Variants in GRIA3 observed in about 807,000 individuals in gnomAD.
The protein encoded by GRIA3 is glutamate ionotropic receptor AMPA type subunit 3.
Under a neutral mutation model 63.0 loss-of-function variants are expected in GRIA3, and 3 were observed. That is an observed-to-expected ratio of 0.05 (90% CI 0.02 to 0.12). The LOEUF is 0.12. Among genes scored for constraint, GRIA3 ranks in the 10% least tolerant of loss-of-function variants. The pLI is 1.00. For synonymous variants in GRIA3, 274 were observed against 257.9 expected (o/e 1.06, Z -0.60); for missense variants, 347 against 700.9 (o/e 0.50, Z 5.70).
chrX:123,371,114 A>G (rs5911604), intron 5 of GRIA3, among the ~76,000 whole-genome samples: 38,668 of 104,505 alleles, frequency 0.37, 6,258 homozygotes, highest in Middle Eastern at 0.6. Context: ...AGAGCCCACA[A>G]ATAAGTTAAA....
intron 12 of GRIA3, among the ~76,000 whole-genome samples, chrX:123,435,128 A>G (rs1770195294): frequency 8.9e-6 from 1 of 112,172 alleles, no homozygotes; most frequent in Non-Finnish European, 1.9e-5. Context: ...TAACTAGATG[A>G]CTTTCCCTCC....
intron 12 of GRIA3, among the ~76,000 whole-genome samples, chrX:123,459,628 C>T (rs139945341): frequency 9.0e-6 from 1 of 110,957 alleles, no homozygotes; most frequent in East Asian, 2.8e-4. Context: ...TCTTTATAAC[C>T]ATTGTTTGTT....
intron 11 of GRIA3, among the ~76,000 whole-genome samples, chrX:123,426,931 T>G (rs773912074): frequency 1.8e-5 from 2 of 111,527 alleles, no homozygotes; most frequent in South Asian, 7.5e-4. Context: ...TTTCTGTGTG[T>G]GGGGGTGGAA....
chrX:123,285,566 CAAATGAAAAGCAA>C (rs1391041829), intron 3 of GRIA3, among the ~76,000 whole-genome samples: 2 of 15,810 alleles, frequency 1.3e-4, no homozygotes, highest in Non-Finnish European at 2.1e-4. Flanking sequence ...ACTTTCCAAG[CAAATGAAAAGCAA>C]AAAAAAAAAA....
chrX:123,304,414 G>A (rs1379244969), intron 3 of GRIA3, among the ~76,000 whole-genome samples: 2 of 111,469 alleles, frequency 1.8e-5, no homozygotes, highest in African/African-American at 6.5e-5. Flanking sequence ...CACTTCTGAT[G>A]TCCTGCGATT....
At chrX:123,276,442 C>T (rs921277268) in intron 3 of GRIA3, among the ~76,000 whole-genome samples, 2 of 111,868 alleles carry the variant, frequency 1.8e-5, no homozygotes, top group African/African-American at 3.3e-5. Flanking sequence ...CTCCCCCTTT[C>T]CTCCCTCACT....
chrX:123,208,531 G>A (rs1927954733), intron 2 of GRIA3, among the ~76,000 whole-genome samples: 2 of 112,294 alleles, frequency 1.8e-5, no homozygotes, highest in African/African-American at 6.5e-5. Context: ...GTTTTGGGGT[G>A]TTTCCAAGGA....
intron 7 of GRIA3, among the ~76,000 whole-genome samples, chrX:123,401,870 C>T (rs2045445197): frequency 8.9e-6 from 1 of 111,913 alleles, no homozygotes; most frequent in African/African-American, 3.2e-5. Context: ...AAGTCTTTGA[C>T]CTTTACTTGC....
At chrX:123,261,541 A>G (rs2044460206) in intron 3 of GRIA3, among the ~76,000 whole-genome samples, 1 of 112,015 alleles carries the variant, frequency 8.9e-6, no homozygotes, top group African/African-American at 3.2e-5. Context: ...CTCTCTAGAG[A>G]CAAATTAAGC....
intron 7 of GRIA3, among the ~76,000 whole-genome samples, chrX:123,402,131 C>A (rs1225742770): frequency 1.8e-5 from 2 of 110,626 alleles, no homozygotes; most frequent in Non-Finnish European, 3.8e-5. Context: ...TACTCCTGAC[C>A]CCTTAGGCTT....
chrX:123,223,975 T>A (rs2044231928), intron 2 of GRIA3, among the ~76,000 whole-genome samples: 1 of 111,660 alleles, frequency 9.0e-6, no homozygotes, highest in Non-Finnish European at 1.9e-5. Flanking sequence ...CTTGCCCATT[T>A]GTTCTTCAGA....
chrX:123,220,788 T>C (rs979870400), intron 2 of GRIA3, among the ~76,000 whole-genome samples: 2 of 111,939 alleles, frequency 1.8e-5, no homozygotes, highest in Non-Finnish European at 3.8e-5. Flanking sequence ...TGGGCTGGCA[T>C]AGGAAGAAAA....
intron 3 of GRIA3, among the ~76,000 whole-genome samples, chrX:123,286,446 C>G (rs1471695429): frequency 1.8e-5 from 2 of 111,536 alleles, no homozygotes; most frequent in Admixed American, 9.5e-5. Flanking sequence ...GATAGAGACA[C>G]GAAAAACCCT....
intron 10 of GRIA3, among the ~76,000 whole-genome samples, chrX:123,408,243 G>C (rs972486057): frequency 1.8e-5 from 2 of 111,765 alleles, no homozygotes; most frequent in Non-Finnish European, 3.8e-5. Flanking sequence ...CGGGATTACA[G>C]GTGTGAGTCA....
intron 2 of GRIA3, among the ~76,000 whole-genome samples, chrX:123,212,716 G>A (rs1466641460): frequency 8.9e-6 from 1 of 112,373 alleles, no homozygotes; most frequent in Non-Finnish European, 1.9e-5. Context: ...TAGTATTGGA[G>A]TTTTTGCAGT....
At chrX:123,324,500 T>C (rs1393694115) in intron 3 of GRIA3, among the ~76,000 whole-genome samples, 2 of 111,671 alleles carry the variant, frequency 1.8e-5, no homozygotes, top group Non-Finnish European at 3.8e-5. Flanking sequence ...TATTTCTCAA[T>C]CCCATGCCTT....
chrX:123,319,479 A>G lies in GRIA3; in HGVS notation c.509-6547A>G, dbSNP rs2044853702. 2.7e-5 allele frequency among the ~76,000 whole-genome samples: 3 copies of G among 112,050 alleles called. No individual in the cohort carries two copies. The Admixed American group carries it at 2.8e-4, about 11-fold the overall frequency. On this transcript the variant is annotated intron_variant, in intron 3 of 15. Transcript: ENST00000620443. Reference sequence around the variant, plus strand: ...TGTAAAGAGGGATAAAGTCACCTATACTTTTTCTTTTAATTTTTGTACTTT... The same window carrying G: ...TGTAAAGAGGGATAAAGTCACCTATGCTTTTTCTTTTAATTTTTGTACTTT...
chrX:123,214,344 T>C (rs963114103), intron 2 of GRIA3, among the ~76,000 whole-genome samples: 1 of 111,825 alleles, frequency 8.9e-6, no homozygotes, highest in African/African-American at 3.2e-5. Flanking sequence ...TAGCAGGACA[T>C]AGGATCTGCA....
rs778877485 is a variant in GRIA3 at position 123,432,884 on chromosome X, A to G, written c.2076+4745A>G. Among the ~76,000 whole-genome samples, 4 of 111,842 alleles carry G rather than the reference A, an allele frequency of 3.6e-5. No homozygotes were observed. The East Asian group carries it at 1.1e-3, about 32-fold the overall frequency. ...ACTCAGCTTCCTCCCTTAGCTACAC[A>G]GGGAAGAAACACAGGGGGGAAAAAT... On this transcript the variant is annotated intron_variant, in intron 12 of 15. Transcript: ENST00000620443.
Sources: gnomAD v4.1 joint callset for allele counts (sites outside exome capture counted in the v4.1 genomes callset) on GRCh38, gnomAD v4.1.1 for gene constraint, MANE v1.5 for transcripts, NCBI Gene and HGNC (gene_info 2026-07-23, HGNC 2026-07-21) for gene names.